PDZRN3: variants seen among roughly 807,000 people sequenced by gnomAD.
PDZRN3 encodes E3 ubiquitin-protein ligase PDZRN3.
A neutral mutation model predicts 85.7 loss-of-function variants in PDZRN3; 38 were observed. The ratio of observed to expected loss-of-function variants is 0.44; its 90% confidence interval spans 0.34 to 0.58. The LOEUF (loss-of-function observed/expected upper bound fraction) is 0.58, where lower values mean the gene tolerates loss of function less well. PDZRN3 is among the 20% of genes least tolerant of loss of function. The probability of loss-of-function intolerance (pLI) is 0.01; values close to 1 mark genes in which losing one functional copy is unlikely to be tolerated. For missense variants in PDZRN3, 1,629 were observed against 1,506.4 expected (o/e 1.08, Z -1.35); for synonymous variants, 759 against 638.0 (o/e 1.19, Z -2.86).
At chr3:73,455,825 C>A (rs996658917) in intron 3 of PDZRN3, among the ~76,000 whole-genome samples, 1 of 152,202 alleles carries the variant, frequency 6.6e-6, no homozygotes, top group African/African-American at 2.4e-5. Flanking sequence ...CAACTGTCCT[C>A]CTCTGACCCC....
chr3:73,451,012 C>T lies in PDZRN3; in HGVS notation c.919-46617G>A, dbSNP rs904514476. On this transcript the variant is annotated intron_variant, in intron 3 of 9. Transcript: ENST00000263666. ...TTTTCAGGCCATTGGGGAAACCTACCGTCACCGCCAATCCTGACCTGTAAA... is the reference window on the plus strand; with the variant it reads ...TTTTCAGGCCATTGGGGAAACCTACTGTCACCGCCAATCCTGACCTGTAAA... Among the ~76,000 whole-genome samples the T allele has an allele frequency of 2.5e-4, 38 of 151,914 alleles. 1 individual carries two copies. Among genetic ancestry groups the T allele is most frequent in the South Asian group, 2.1e-4 (1 of 4,820 alleles).
intron 3 of PDZRN3, among the ~76,000 whole-genome samples, chr3:73,470,594 T>C (rs975613483): frequency 1.3e-5 from 2 of 152,216 alleles, no homozygotes; most frequent in Admixed American, 6.5e-5. Flanking sequence ...CTGCCCGCCA[T>C]GTGCTGTGGA....
intron 3 of PDZRN3, among the ~76,000 whole-genome samples, chr3:73,535,057 G>A (rs1024355739): frequency 6.6e-6 from 1 of 152,008 alleles, no homozygotes; most frequent in Non-Finnish European, 1.5e-5. Context: ...CTTCTCGGGG[G>A]TTAAGGCTAA....
intron 3 of PDZRN3, among the ~76,000 whole-genome samples, chr3:73,590,299 A>G (rs1702339266): frequency 6.6e-6 from 1 of 151,616 alleles, no homozygotes; most frequent in African/African-American, 2.4e-5. Context: ...AAGAGAATGA[A>G]AAAAGAAAAA....
rs146862573 is a variant in PDZRN3 at position 73,384,746 on chromosome 3, G to A, written c.1820C>T (p.Thr607Ile). 6.8e-6 allele frequency: 11 copies of A among 1,613,990 alleles called. No individual in the cohort carries two copies. The African/African-American group carries it at 1.3e-4, about 20-fold the overall frequency. ...GCTGCCCAAGGTGTCCTGGCTGCAG[G>A]TGAGCTTCCTCTGCCCCGCCAGCGG... ...SNPLAGQRKL[T>I]CSQDTLGSGD... Residue 607 changes from threonine (T) to isoleucine (I), a missense_variant, in exon 10 of 10, where the codon ACC becomes ATC. By Grantham distance (89) the Thr-to-Ile change is moderately conservative. Transcript: ENST00000263666.
At chr3:73,462,772 A>G (rs1703135244) in intron 3 of PDZRN3, among the ~76,000 whole-genome samples, 1 of 152,196 alleles carries the variant, frequency 6.6e-6, no homozygotes, top group African/African-American at 2.4e-5. Context: ...GGCCACCACC[A>G]GATACAGGGA....
intron 3 of PDZRN3, among the ~76,000 whole-genome samples, chr3:73,587,391 C>A (rs1389530886): frequency 6.6e-6 from 1 of 152,192 alleles, no homozygotes. Context: ...GCAGAATACT[C>A]TTTCAAAGAA....
At chr3:73,431,849 CGTGT>C (rs762249826) in intron 3 of PDZRN3, among the ~76,000 whole-genome samples, 1 of 149,676 alleles carries the variant, frequency 6.7e-6, no homozygotes, top group Non-Finnish European at 1.5e-5. Flanking sequence ...TGGGGGCAGT[CGTGT>C]GTGTGTGTTT....
At chr3:73,390,603 C>T (rs1484467258) in intron 6 of PDZRN3, among the ~76,000 whole-genome samples, 1 of 148,924 alleles carries the variant, frequency 6.7e-6, no homozygotes, top group Non-Finnish European at 1.5e-5. Flanking sequence ...TATATGAAGT[C>T]AACTATATAT....
chr3:73,591,947 A>G (rs1226596990), intron 3 of PDZRN3, among the ~76,000 whole-genome samples: 6 of 152,266 alleles, frequency 3.9e-5, no homozygotes, highest in Non-Finnish European at 5.9e-5. Flanking sequence ...ATCCTGACCT[A>G]TCTCATATTA....
chr3:73,490,119 C>T (rs1231522029), intron 3 of PDZRN3, among the ~76,000 whole-genome samples: 1 of 152,060 alleles, frequency 6.6e-6, no homozygotes, highest in Non-Finnish European at 1.5e-5. Flanking sequence ...TTATTTTTTT[C>T]CAAACAACTA....
chr3:73,577,177 T>C (rs907827547), intron 3 of PDZRN3, among the ~76,000 whole-genome samples: 2 of 152,194 alleles, frequency 1.3e-5, no homozygotes, highest in African/African-American at 4.8e-5. Flanking sequence ...CTTGGTGTAA[T>C]GTCTTTCCAA....
rs1325683364 is a variant in PDZRN3 at position 73,388,899 on chromosome 3, G to A, written c.1417-830C>T. ...GTACCTCTGAGTGCTTCCATTCTCA[G>A]TAGTAAAGGTTAATGGAAAACTCCA... On this transcript the variant is annotated intron_variant, in intron 7 of 9. Coordinates refer to ENST00000263666, the MANE Select transcript of PDZRN3 (RefSeq NM_015009.3). Among the ~76,000 whole-genome samples the A allele has an allele frequency of 3.7e-5, 4 of 108,988 alleles. No homozygotes were observed. In the East Asian group the frequency reaches 1.3e-3, roughly 36 times the overall value. 71.5% of individuals were successfully genotyped at this position (108,988 alleles called of 152,430 possible).
intron 4 of PDZRN3, 108 bp downstream of exon 4, chr3:73,404,040 T>G: frequency 9.0e-7 from 1 of 1,112,456 alleles, no homozygotes; most frequent in Non-Finnish European, 1.3e-6. Flanking sequence ...ATGGGCAACT[T>G]GGAGGAAAAC....
chr3:73,552,974 T>C (rs778161100), intron 3 of PDZRN3, among the ~76,000 whole-genome samples: 19 of 152,204 alleles, frequency 1.2e-4, no homozygotes, highest in Non-Finnish European at 2.5e-4. Context: ...CGGTGGCTGA[T>C]TCCCTGGTGA....
intron 2 of PDZRN3, among the ~76,000 whole-genome samples, chr3:73,602,707 C>T (rs574692853): frequency 7.9e-5 from 12 of 152,320 alleles, no homozygotes; most frequent in African/African-American, 2.6e-4. Context: ...CTTCTTCCCC[C>T]GCCTATGGTA....
intron 3 of PDZRN3, among the ~76,000 whole-genome samples, chr3:73,551,444 A>G (rs1264967345): frequency 6.6e-6 from 1 of 152,132 alleles, no homozygotes; most frequent in Non-Finnish European, 1.5e-5. Flanking sequence ...GCACTTTGGG[A>G]GGCTGAGGTG....
At chr3:73,440,295 T>C (rs757916410) in intron 3 of PDZRN3, among the ~76,000 whole-genome samples, 9 of 152,168 alleles carry the variant, frequency 5.9e-5, no homozygotes, top group Non-Finnish European at 1.0e-4. Flanking sequence ...CAGCCTACTA[T>C]GTGCCTGTCA....
chr3:73,523,917 C>A (rs554810639), intron 3 of PDZRN3, among the ~76,000 whole-genome samples: 169 of 152,160 alleles, frequency 1.1e-3, no homozygotes, highest in Non-Finnish European at 1.9e-3. Context: ...TTCACTGAGA[C>A]CCTGGCAAAG....
Sources: gnomAD v4.1 joint callset for allele counts (sites outside exome capture counted in the v4.1 genomes callset) on GRCh38, gnomAD v4.1.1 for gene constraint, MANE v1.5 for transcripts, NCBI Gene and HGNC (gene_info 2026-07-23, HGNC 2026-07-21) for gene names.